The following KATNIP variants were observed in gnomAD, a reference collection of about 807,000 sequenced individuals.
The protein encoded by KATNIP is katanin interacting protein.
KATNIP carries 126 observed loss-of-function variants against 174.0 expected under a neutral mutation model. The ratio of observed to expected loss-of-function variants is 0.72; its 90% CI spans 0.63 to 0.84. The LOEUF (loss-of-function observed/expected upper bound fraction) is 0.84, where lower values mean the gene tolerates loss of function less well. KATNIP is among the 40% of genes least tolerant of loss of function. KATNIP has a pLI of 0.00. For missense variants in KATNIP, 1,958 were observed against 2,109.7 expected, an observed-to-expected ratio of 0.93 and a Z score of 1.41; for synonymous variants, 810 against 835.7, an observed-to-expected ratio of 0.97 and a Z score of 0.53.
intron 3 of KATNIP, among the ~76,000 whole-genome samples, chr16:27,619,344 T>C (rs1323402110): frequency 6.6e-6 from 1 of 152,016 alleles, no homozygotes; most frequent in Non-Finnish European, 1.5e-5. Context: ...ATCTCCTGAG[T>C]TTTAAAATGT....
At chr16:27,662,687 G>A (rs754382933) in intron 6 of KATNIP, among the ~76,000 whole-genome samples, 3 of 152,040 alleles carry the variant, frequency 2.0e-5, no homozygotes, top group Non-Finnish European at 4.4e-5. Context: ...ACTTAATAAA[G>A]CATATTTTTC....
intron 8 of KATNIP, among the ~76,000 whole-genome samples, 164 bp downstream of exon 8, chr16:27,681,694 G>A (rs2078349323): frequency 6.6e-6 from 1 of 152,252 alleles, no homozygotes; most frequent in Non-Finnish European, 1.5e-5. Context: ...GAATGAAAAG[G>A]ATATGGAGGG....
chr16:27,683,097 C>G (rs1283161753), intron 8 of KATNIP, among the ~76,000 whole-genome samples: 4 of 152,130 alleles, frequency 2.6e-5, no homozygotes, highest in African/African-American at 9.7e-5. Context: ...CAACAGAAAA[C>G]AAGATTAAGG....
intron 2 of KATNIP, among the ~76,000 whole-genome samples, chr16:27,606,570 A>G (rs893810687): frequency 1.3e-5 from 2 of 151,920 alleles, no homozygotes; most frequent in Non-Finnish European, 2.9e-5. Context: ...AAAGGGATGT[A>G]TTTGCTCAAG....
At chr16:27,753,338 G>T (rs538867353) in intron 17 of KATNIP, among the ~76,000 whole-genome samples, 70 of 152,250 alleles carry the variant, frequency 4.6e-4, no homozygotes, top group African/African-American at 1.6e-3. Flanking sequence ...TCGACCCAGG[G>T]GTCTCCAGGT....
intron 5 of KATNIP, among the ~76,000 whole-genome samples, chr16:27,642,667 G>A (rs753394736): frequency 6.6e-6 from 1 of 152,116 alleles, no homozygotes; most frequent in Non-Finnish European, 1.5e-5. Context: ...CATATGTGGA[G>A]CTGGAACCCA....
At chr16:27,601,474 T>C (rs1031943681) in intron 2 of KATNIP, among the ~76,000 whole-genome samples, 3 of 152,084 alleles carry the variant, frequency 2.0e-5, no homozygotes, top group African/African-American at 7.2e-5. Flanking sequence ...TATTTACTTA[T>C]TATAGAGACG....
chr16:27,685,827 A>G (rs540712321), intron 8 of KATNIP, among the ~76,000 whole-genome samples: 1 of 152,362 alleles, frequency 6.6e-6, no homozygotes, highest in Admixed American at 6.5e-5. Flanking sequence ...GGATTATGGT[A>G]GAGCCACATC....
At chr16:27,661,949 T>C (rs1249819029) in intron 6 of KATNIP, among the ~76,000 whole-genome samples, 7 of 63,694 alleles carry the variant, frequency 1.1e-4, no homozygotes, top group African/African-American at 3.5e-4. Context: ...TATATATATA[T>C]ATATATACAC....
At chr16:27,561,210 A>G (rs2141595331) in intron 1 of KATNIP, among the ~76,000 whole-genome samples, 2 of 145,600 alleles carry the variant, frequency 1.4e-5, no homozygotes, top group East Asian at 2.0e-4. Flanking sequence ...TTCAGTAGGG[A>G]CGGGGTTTCA....
In KATNIP at chr16:27,576,942, T is replaced by C. The variant is rs951837352; in HGVS notation, c.63+2986T>C. 2.0e-4 allele frequency among the ~76,000 whole-genome samples: 30 copies of C among 152,272 alleles called. 1 individual carries two copies. Among genetic ancestry groups the C allele is most frequent in the Admixed American group, 6.5e-4 (10 of 15,294 alleles). On this transcript the variant is annotated intron_variant, in intron 2 of 27. Transcript: ENST00000261588. ...GTGAACACGTGGTGGTGAGGTGGTG[T>C]GGCCAGTGCACTCCCTGGAGAGTGA...
At position 27,713,552 on chromosome 16, in the gene KATNIP, G is replaced by A. The variant is rs546251420; in HGVS notation, c.1605+4632G>A. ...GGCCAGGAGTTTGACACCAGCCTGG[G>A]CAACATAGTGAGACCCTGTCTCCAT... is the stretch of plus-strand genomic sequence containing the variant. On this transcript the variant is annotated intron_variant, in intron 13 of 27. Transcript: ENST00000261588. Among the ~76,000 whole-genome samples the A allele has an allele frequency of 4.2e-4, 63 of 150,954 alleles. 1 individual carries two copies. Among genetic ancestry groups the A allele is most frequent in the African/African-American group, 1.5e-3 (62 of 41,114 alleles).
At chr16:27,556,744 G>A (rs1416215465) in intron 1 of KATNIP, among the ~76,000 whole-genome samples, 1 of 152,234 alleles carries the variant, frequency 6.6e-6, no homozygotes, top group East Asian at 1.9e-4. Context: ...GCTTCTTGGT[G>A]ATTTGTCTGT....
intron 16 of KATNIP, among the ~76,000 whole-genome samples, chr16:27,751,148 A>G (rs2081504176): frequency 1.3e-5 from 2 of 152,138 alleles, no homozygotes; most frequent in Admixed American, 6.5e-5. Context: ...GAGATGGGGC[A>G]TTCTTTGGCA....
At chr16:27,772,040 A>C (rs1463294874) in intron 22 of KATNIP, among the ~76,000 whole-genome samples, 1 of 152,074 alleles carries the variant, frequency 6.6e-6, no homozygotes, top group Non-Finnish European at 1.5e-5. Context: ...GCTTTAGGAG[A>C]CCAAGGAGGT....
At chr16:27,660,171 G>A (rs1442277986) in intron 6 of KATNIP, among the ~76,000 whole-genome samples, 1 of 152,116 alleles carries the variant, frequency 6.6e-6, no homozygotes, top group Non-Finnish European at 1.5e-5. Flanking sequence ...ACAAGAAGCG[G>A]TGAATTAAAT....
At chr16:27,667,101 G>T (rs1374991239) in intron 6 of KATNIP, among the ~76,000 whole-genome samples, 15 of 151,996 alleles carry the variant, frequency 9.9e-5, no homozygotes, top group Admixed American at 9.8e-4. Context: ...CAGGAGGATC[G>T]CTTGAGCCCA....
intron 5 of KATNIP, among the ~76,000 whole-genome samples, chr16:27,633,476 C>G (rs1389669831): frequency 7.2e-6 from 1 of 139,778 alleles, no homozygotes; most frequent in African/African-American, 2.7e-5. Context: ...TTTTTTTTTA[C>G]TTATTTTTAT....
chr16:27,761,709 C>T, intron 19 of KATNIP, 119 bp downstream of exon 19: 1 of 900,790 alleles, frequency 1.1e-6, no homozygotes, highest in Non-Finnish European at 1.7e-6. Context: ...CCCTGGCCAC[C>T]CTGTGAGGTA....
Sources: gnomAD v4.1 joint callset for allele counts (sites outside exome capture counted in the v4.1 genomes callset) on GRCh38, gnomAD v4.1.1 for gene constraint, MANE v1.5 for transcripts, NCBI Gene and HGNC (gene_info 2026-07-23, HGNC 2026-07-21) for gene names.